PRKG1: variants seen among roughly 807,000 people sequenced by gnomAD.
The protein encoded by PRKG1 is cGMP-dependent protein kinase 1.
A neutral mutation model predicts 88.1 loss-of-function variants in PRKG1; 35 were observed. That is an observed-to-expected ratio of 0.40 (90% CI 0.30 to 0.53). The LOEUF is 0.53. Among genes scored for constraint, PRKG1 ranks in the 20% least tolerant of loss-of-function variants. The pLI is 0.59. For synonymous variants in PRKG1, 303 were observed against 292.5 expected (o/e 1.04, Z -0.37); for missense variants, 540 against 839.8 (o/e 0.64, Z 4.41).
intron 3 of PRKG1, among the ~76,000 whole-genome samples, chr10:51,571,395 A>C (rs1280336305): frequency 6.6e-6 from 1 of 151,938 alleles, no homozygotes; most frequent in African/African-American, 2.4e-5. Flanking sequence ...TGTCTTGGCT[A>C]TCTCATTGGA....
At chr10:50,996,981 A>C (rs1842842775) in intron 1 of PRKG1, among the ~76,000 whole-genome samples, 1 of 152,210 alleles carries the variant, frequency 6.6e-6, no homozygotes, top group Non-Finnish European at 1.5e-5. Context: ...GCTTGTAAAC[A>C]TCCTTGTATC....
At chr10:51,840,758 C>G (rs1428936232) in intron 4 of PRKG1, among the ~76,000 whole-genome samples, 1 of 152,022 alleles carries the variant, frequency 6.6e-6, no homozygotes, top group Non-Finnish European at 1.5e-5. Context: ...GTTGGCCAGG[C>G]TGGTCTCGGA....
At chr10:51,469,520 T>A (rs540785875) in intron 3 of PRKG1, among the ~76,000 whole-genome samples, 1 of 151,882 alleles carries the variant, frequency 6.6e-6, no homozygotes, top group Non-Finnish European at 1.5e-5. Context: ...GTTTGCTTCA[T>A]AAACATCAGT....
chr10:51,184,154 A>G (rs1254887561), intron 2 of PRKG1, among the ~76,000 whole-genome samples: 1 of 152,198 alleles, frequency 6.6e-6, no homozygotes, highest in African/African-American at 2.4e-5. Context: ...TTTACTTCCA[A>G]AGAGCAATGG....
intron 1 of PRKG1, among the ~76,000 whole-genome samples, chr10:51,075,392 A>G (rs896985033): frequency 6.6e-6 from 1 of 152,206 alleles, no homozygotes; most frequent in African/African-American, 2.4e-5. Context: ...TCACGCTGGT[A>G]CCCTTCAAAC....
At position 51,384,076 on chromosome 10, in the gene PRKG1, T is replaced by C. The variant is rs552234132; in HGVS notation, c.479-83647T>C. ...TGTTTGATCAAGACATCAATATAAC[T>C]GTTAAATGAATTCTCTTTGAAAAAA... On this transcript the variant is annotated intron_variant, in intron 2 of 17. Coordinates refer to ENST00000373980, the MANE Select transcript of PRKG1 (RefSeq NM_006258.4). 3.1e-3 allele frequency among the ~76,000 whole-genome samples: 479 copies of C among 152,112 alleles called. 2 individuals carry two copies. The highest frequency in any genetic ancestry group is 3.5e-3 in the Non-Finnish European group (236 of 68,010).
intron 1 of PRKG1, among the ~76,000 whole-genome samples, chr10:51,060,814 A>T (rs1403199360): frequency 6.6e-6 from 1 of 151,998 alleles, no homozygotes; most frequent in African/African-American, 2.4e-5. Context: ...TCTAGTTTTT[A>T]TTTCTCTGAA....
chr10:51,847,495 T>A (rs904239377), intron 4 of PRKG1, among the ~76,000 whole-genome samples: 1 of 151,914 alleles, frequency 6.6e-6, no homozygotes, highest in Non-Finnish European at 1.5e-5. Flanking sequence ...AGAAAACCAA[T>A]ATATGTAATT....
intron 12 of PRKG1, among the ~76,000 whole-genome samples, chr10:52,274,477 G>A (rs916307201): frequency 6.7e-6 from 1 of 150,268 alleles, no homozygotes; most frequent in Non-Finnish European, 1.5e-5. Flanking sequence ...TGGCTGTGTA[G>A]TATTCCATCA....
In PRKG1 at chr10:52,143,614, C is replaced by CTT. The variant is rs1160965618; in HGVS notation, c.1001+9709_1001+9710insTT. 2.0e-5 allele frequency among the ~76,000 whole-genome samples: 3 copies of CTT among 152,084 alleles called. No individual in the cohort carries two copies. The East Asian group carries it at 5.8e-4, about 29-fold the overall frequency. On this transcript the variant is annotated intron_variant, in intron 8 of 17. Transcript: ENST00000373980. ...GCTCTGTAAAGGGAGAGCTTTAAAACCACCTGAGGGGAAGTCCGCTGGGGA... is the reference window on the plus strand; with the variant it reads ...GCTCTGTAAAGGGAGAGCTTTAAAACTTCACCTGAGGGGAAGTCCGCTGGGGA...
chr10:51,469,670 C>A (rs1839998481), intron 3 of PRKG1, among the ~76,000 whole-genome samples: 1 of 151,828 alleles, frequency 6.6e-6, no homozygotes, highest in Non-Finnish European at 1.5e-5. Flanking sequence ...AAGCCTAACT[C>A]TTTTGGGGTC....
chr10:51,581,102 G>A (rs990724981), intron 3 of PRKG1, among the ~76,000 whole-genome samples: 1 of 152,140 alleles, frequency 6.6e-6, no homozygotes, highest in Non-Finnish European at 1.5e-5. Context: ...AGGTTAGTGA[G>A]GGATTTAGGG....
chr10:51,847,160 T>C (rs1056775078), intron 4 of PRKG1, among the ~76,000 whole-genome samples: 2 of 152,168 alleles, frequency 1.3e-5, no homozygotes, highest in African/African-American at 4.8e-5. Context: ...TGATGATCTA[T>C]GATGCTACTC....
intron 9 of PRKG1, among the ~76,000 whole-genome samples, chr10:52,229,279 A>G (rs1011913711): frequency 1.4e-4 from 22 of 152,258 alleles, no homozygotes; most frequent in African/African-American, 5.3e-4. Context: ...AGAAAGTAGA[A>G]AATCTGAGAT....
intron 2 of PRKG1, among the ~76,000 whole-genome samples, chr10:51,376,033 T>C (rs529863951): frequency 6.6e-6 from 1 of 152,194 alleles, no homozygotes; most frequent in Non-Finnish European, 1.5e-5. Context: ...TGCAGAAAAT[T>C]TGCAAACCGA....
chr10:52,244,164 G>T (rs1840942551), intron 9 of PRKG1, among the ~76,000 whole-genome samples: 2 of 152,034 alleles, frequency 1.3e-5, no homozygotes, highest in Non-Finnish European at 1.5e-5. Flanking sequence ...ATTAGAAATT[G>T]GCCCTTTTTG....
chr10:51,193,239 C>CA (rs1193413675), intron 2 of PRKG1, among the ~76,000 whole-genome samples: 1 of 151,928 alleles, frequency 6.6e-6, no homozygotes, highest in Non-Finnish European at 1.5e-5. Context: ...ATAGCTCGAG[C>CA]ATAGAGTAGC....
At position 51,558,832 on chromosome 10, in the gene PRKG1, G is replaced by A. The variant is rs7896516; in HGVS notation, c.592+90996G>A. Among the ~76,000 whole-genome samples, 168 of 152,096 alleles carry A rather than the reference G, an allele frequency of 1.1e-3. 1 individual carries two copies. In the East Asian group the frequency reaches 0.031, roughly 28 times the overall value. On this transcript the variant is annotated intron_variant, in intron 3 of 17. Transcript: ENST00000373980. ...AAATCTCTGTCTTGTCTTCAGCATG[G>A]TATTTTAGACAGATCAATGAACTGA...
At chr10:51,824,320 T>G (rs1018945279) in intron 4 of PRKG1, among the ~76,000 whole-genome samples, 10 of 152,224 alleles carry the variant, frequency 6.6e-5, no homozygotes, top group African/African-American at 2.4e-4. Context: ...GAGATGAATT[T>G]AGCCTTAGAT....
Sources: gnomAD v4.1 joint callset for allele counts (sites outside exome capture counted in the v4.1 genomes callset) on GRCh38, gnomAD v4.1.1 for gene constraint, MANE v1.5 for transcripts, NCBI Gene and HGNC (gene_info 2026-07-23, HGNC 2026-07-21) for gene names.